The following XYLT1 variants were observed in gnomAD, a reference collection of about 807,000 sequenced individuals.
XYLT1 encodes the protein xylosyltransferase 1, also known as beta-D-xylosyltransferase 1.
A neutral mutation model predicts 91.3 loss-of-function variants in XYLT1; 36 were observed. The observed-to-expected ratio is 0.39, with a 90% CI of 0.30 to 0.52. The LOEUF is 0.52. Among genes scored for constraint, XYLT1 ranks in the 20% least tolerant of loss-of-function variants. XYLT1 has a pLI of 0.68. For missense variants in XYLT1, 1,242 were observed against 1,284.5 expected (o/e 0.97, Z 0.51); for synonymous variants, 588 against 532.0 (o/e 1.11, Z -1.45).
intron 2 of XYLT1, among the ~76,000 whole-genome samples, chr16:17,341,299 T>A (rs1459867320): frequency 6.6e-6 from 1 of 152,220 alleles, no homozygotes; most frequent in South Asian, 2.1e-4. Flanking sequence ...ATTTAATTAA[T>A]CTTTATTGAA....
intron 5 of XYLT1, among the ~76,000 whole-genome samples, chr16:17,181,734 C>T (rs2032074835): frequency 6.6e-6 from 1 of 152,018 alleles, no homozygotes; most frequent in African/African-American, 2.4e-5. Context: ...GTGAACCCTT[C>T]CTCCTCCCAA....
intron 1 of XYLT1, among the ~76,000 whole-genome samples, chr16:17,384,467 A>G (rs1012282976): frequency 2.6e-5 from 4 of 151,980 alleles, no homozygotes; most frequent in Non-Finnish European, 5.9e-5. Flanking sequence ...AGTGTTTTTA[A>G]ATTTTTCAAT....
chr16:17,273,295 G>A (rs1216290221), intron 2 of XYLT1, among the ~76,000 whole-genome samples: 1 of 152,150 alleles, frequency 6.6e-6, no homozygotes, highest in Admixed American at 6.5e-5. Context: ...ACAAGCTGTG[G>A]CTGTGAGTCA....
chr16:17,354,930 T>A (rs540034681), intron 2 of XYLT1: 5 of 152,318 alleles, frequency 3.3e-5, no homozygotes, highest in African/African-American at 1.2e-4. Context: ...ACATTTGCAC[T>A]TTGGTTGGGT....
chr16:17,435,926 T>C (rs963516723), intron 1 of XYLT1, among the ~76,000 whole-genome samples: 1 of 152,204 alleles, frequency 6.6e-6, no homozygotes, highest in Admixed American at 6.5e-5. Context: ...TCCACTGATA[T>C]GGTTTGGCTG....
chr16:17,196,686 C>A (rs981558082), intron 5 of XYLT1, among the ~76,000 whole-genome samples: 2 of 150,748 alleles, frequency 1.3e-5, no homozygotes, highest in South Asian at 2.1e-4. Flanking sequence ...GGAGGAAGAT[C>A]CCCCTCTTCA....
chr16:17,198,292 C>G lies in XYLT1; in HGVS notation c.1209G>C (p.Gln403His). ...GGASLLSTYL[Q>H]SMRDLLEMTD... ...TCATCTCCAGGAGGTCCCGCATGCT[C>G]TGCAGGTAGGTGGACAGGAGGCTGG... The change falls in exon 5 of 12, where the codon CAG becomes CAC. Residue 403 changes from glutamine (Q) to histidine (H), a missense_variant. By Grantham distance (24) the Gln-to-His change is conservative. Around this residue, in one of 3 missense-constraint regions of XYLT1, gnomAD observed 294 missense variants for 376.0 expected, o/e 0.78. Transcript: ENST00000261381. The G allele has an allele frequency of 6.2e-7, 1 of 1,614,214 alleles. No homozygotes were observed.
At chr16:17,165,281 C>T (rs1044475636) in intron 5 of XYLT1, among the ~76,000 whole-genome samples, 10 of 152,124 alleles carry the variant, frequency 6.6e-5, no homozygotes, top group South Asian at 2.1e-4. Context: ...ATTATATAAA[C>T]GGGAACATGT....
intron 2 of XYLT1, among the ~76,000 whole-genome samples, chr16:17,260,063 G>C (rs2033701036): frequency 6.7e-6 from 1 of 149,666 alleles, no homozygotes; most frequent in Non-Finnish European, 1.5e-5. Flanking sequence ...GAGGAATGCA[G>C]CCCTTGTAGA....
chr16:17,261,519 T>A (rs752840994), intron 2 of XYLT1, among the ~76,000 whole-genome samples: 6 of 152,156 alleles, frequency 3.9e-5, no homozygotes, highest in Non-Finnish European at 8.8e-5. Flanking sequence ...AGGGACATGA[T>A]CCACTTCCAA....
At chr16:17,131,328 C>T (rs2030464591) in intron 9 of XYLT1, among the ~76,000 whole-genome samples, 3 of 152,178 alleles carry the variant, frequency 2.0e-5, no homozygotes, top group Admixed American at 1.3e-4. Flanking sequence ...AGATGCCGCA[C>T]AACCAATCAT....
At chr16:17,191,976 T>C (rs893550987) in intron 5 of XYLT1, among the ~76,000 whole-genome samples, 2 of 152,140 alleles carry the variant, frequency 1.3e-5, no homozygotes, top group African/African-American at 4.8e-5. Flanking sequence ...AGACTGAATG[T>C]GAACCCCGGG....
chr16:17,192,092 CTTTTTTTTTTTTT>C (rs550488299), intron 5 of XYLT1, among the ~76,000 whole-genome samples: 3 of 126,802 alleles, frequency 2.4e-5, no homozygotes, highest in African/African-American at 6.2e-5. Flanking sequence ...CTCTCTCTCT[CTTTTTTTTTTTTT>C]TTTTTTTTTT....
chr16:17,246,834 T>C (rs1053070812), intron 3 of XYLT1, among the ~76,000 whole-genome samples: 7 of 152,170 alleles, frequency 4.6e-5, no homozygotes, highest in Non-Finnish European at 1.0e-4. Flanking sequence ...GAATTAAGGG[T>C]ACTCAGCCCT....
chr16:17,334,867 A>G (rs1349909306), intron 2 of XYLT1, among the ~76,000 whole-genome samples: 1 of 151,960 alleles, frequency 6.6e-6, no homozygotes, highest in Non-Finnish European at 1.5e-5. Flanking sequence ...TGGGCGACAG[A>G]GCGAGACTCC....
intron 6 of XYLT1, among the ~76,000 whole-genome samples, chr16:17,152,548 C>T (rs1024281097): frequency 5.9e-5 from 9 of 152,218 alleles, no homozygotes; most frequent in South Asian, 2.1e-4. Flanking sequence ...AAGGCCTTCC[C>T]GAATGCGGAT....
At chr16:17,122,596 C>T (rs1216883943) in intron 10 of XYLT1, among the ~76,000 whole-genome samples, 1 of 152,126 alleles carries the variant, frequency 6.6e-6, no homozygotes, top group Non-Finnish European at 1.5e-5. Flanking sequence ...AAATTAAGTC[C>T]TATCTACTTA....
At chr16:17,453,756 T>A (rs1780321548) in intron 1 of XYLT1, among the ~76,000 whole-genome samples, 1 of 152,136 alleles carries the variant, frequency 6.6e-6, no homozygotes, top group South Asian at 2.1e-4. Flanking sequence ...AAGCCAGAGA[T>A]AAACAGAAGT....
intron 10 of XYLT1, among the ~76,000 whole-genome samples, chr16:17,120,843 A>G (rs1213322528): frequency 6.6e-6 from 1 of 152,128 alleles, no homozygotes; most frequent in Non-Finnish European, 1.5e-5. Flanking sequence ...TATATTGAGC[A>G]CCTATTGTCT....
Sources: gnomAD v4.1 joint callset for allele counts (sites outside exome capture counted in the v4.1 genomes callset) on GRCh38, gnomAD v4.1.1 for gene constraint, gnomAD v4.1.1 regional missense constraint, MANE v1.5 for transcripts, NCBI Gene and HGNC (gene_info 2026-07-23, HGNC 2026-07-21) for gene names.